IARS1: variants seen among roughly 807,000 people sequenced by gnomAD.
IARS1 encodes the protein isoleucyl-tRNA synthetase 1.
Under a neutral mutation model 168.2 loss-of-function variants are expected in IARS1, and 124 were observed. The ratio of observed to expected loss-of-function variants is 0.74; its 90% confidence interval spans 0.64 to 0.86. The LOEUF (loss-of-function observed/expected upper bound fraction) is 0.86, where lower values mean the gene tolerates loss of function less well. IARS1 is among the 40% of genes least tolerant of loss of function. The probability of loss-of-function intolerance (pLI) is 0.00; values close to 1 mark genes in which losing one functional copy is unlikely to be tolerated. For missense variants in IARS1, 1,452 were observed against 1,515.8 expected (o/e 0.96, Z 0.70); for synonymous variants, 532 against 529.4 (o/e 1.00, Z -0.07).
rs550430947 is a variant in IARS1, at chr9:92,237,582, G to A, written c.3283+3274C>T. ...AGTCTCCAACTATAGTTGTAGATTT[G>A]TCTATTTCTCCTTTAATGTCTGTAT... On this transcript the variant is annotated intron_variant, in intron 30 of 33. Transcript: ENST00000443024. Among the ~76,000 whole-genome samples the A allele has an allele frequency of 1.2e-4, 18 of 152,254 alleles. No individual in the cohort carries two copies. In the South Asian group the frequency reaches 3.5e-3, roughly 30 times the overall value.
chr9:92,281,695 A>G (rs1171837466), intron 6 of IARS1, among the ~76,000 whole-genome samples: 1 of 152,164 alleles, frequency 6.6e-6, no homozygotes, highest in Non-Finnish European at 1.5e-5. Context: ...ACACAAAAAT[A>G]TCAAGGATTT....
intron 31 of IARS1, among the ~76,000 whole-genome samples, chr9:92,223,697 A>AT (rs1324546125): frequency 2.0e-5 from 3 of 152,248 alleles, no homozygotes; most frequent in Non-Finnish European, 2.9e-5. Flanking sequence ...AACAAACATC[A>AT]TAATATTCAT....
Position 92,226,049 on chromosome 9 carries a change from G to A in IARS1, c.3410-2560C>T, listed in dbSNP as rs1825623107. On this transcript the variant is annotated intron_variant, in intron 31 of 33. Coordinates refer to ENST00000443024, the MANE Select transcript of IARS1 (RefSeq NM_002161.6). Reference sequence around the variant, plus strand: ...TGTGCACTCTAGCCTGTTTTTGCTCGTTTCTACTTCTCATCCTACCGTGAC... The same window carrying A: ...TGTGCACTCTAGCCTGTTTTTGCTCATTTCTACTTCTCATCCTACCGTGAC... Among the ~76,000 whole-genome samples the A allele has an allele frequency of 2.0e-5, 3 of 152,154 alleles. 1 individual carries two copies. The highest frequency in any genetic ancestry group is 1.3e-4 in the Admixed American group (2 of 15,260).
At position 92,243,204 on chromosome 9, in the gene IARS1, T is replaced by C. The variant is rs778648850; in HGVS notation, c.3000+12A>G. 9 of 1,607,076 alleles carry C rather than the reference T, an allele frequency of 5.6e-6. No individual in the cohort carries two copies. The highest frequency in any genetic ancestry group is 2.2e-5 in the East Asian group (1 of 44,814). On this transcript the variant is annotated intron_variant, in intron 28 of 33. Transcript: ENST00000443024. Reference sequence around the variant, plus strand: ...GCCAAAACAGTAGCTTATTCTTAACTGACAAACTAACCTTTTTGCGAAGTT... The same window carrying C: ...GCCAAAACAGTAGCTTATTCTTAACCGACAAACTAACCTTTTTGCGAAGTT...
chr9:92,253,438 G>C lies in IARS1; in HGVS notation c.2153C>G (p.Thr718Ser), dbSNP rs147703118. 38 of 1,612,436 alleles carry C rather than the reference G, an allele frequency of 2.4e-5. No individual in the cohort carries two copies. The highest frequency in any genetic ancestry group is 3.2e-5 in the Non-Finnish European group (38 of 1,178,678). Residue 718 changes from threonine to serine, a missense_variant, in exon 21 of 34, where the codon ACT (threonine) becomes AGT (serine). Thr to Ser is a moderately conservative substitution (Grantham distance 58). Coordinates refer to ENST00000443024, the MANE Select transcript of IARS1 (RefSeq NM_002161.6). ...ETEMAAYRLY[T>S]VVPRLVKFVD... ...AAACTTGACCAGGCGAGGCACCACA[G>C]TATAAAGCCTATAAGCTAAAAGTAA...
chr9:92,249,478 A>T (rs1205320643), intron 25 of IARS1, among the ~76,000 whole-genome samples: 8 of 152,078 alleles, frequency 5.3e-5, no homozygotes, highest in Admixed American at 4.6e-4. Context: ...GCTTGAACCC[A>T]GGAGGTGGAG....
chr9:92,238,154 C>A (rs1164804151), intron 30 of IARS1, among the ~76,000 whole-genome samples: 1 of 152,158 alleles, frequency 6.6e-6, no homozygotes, highest in Admixed American at 6.5e-5. Context: ...GATCCGCCTG[C>A]CTTGGCCTTC....
intron 6 of IARS1, among the ~76,000 whole-genome samples, chr9:92,284,692 C>T (rs983507352): frequency 3.9e-5 from 6 of 152,100 alleles, no homozygotes; most frequent in Admixed American, 3.9e-4. Flanking sequence ...CTGCTTGAAT[C>T]GGGTAGGTGG....
intron 1 of IARS1, chr9:92,292,704 A>G (rs372203870): frequency 1.3e-5 from 2 of 152,754 alleles, no homozygotes; most frequent in South Asian, 2.1e-4. Context: ...CTGCTCCACA[A>G]CTCCTTCAGG....
Position 92,250,819 on chromosome 9 carries a change from A to T in IARS1, c.2323T>A (p.Phe775Ile). The stretch of plus-strand genomic sequence containing the variant: ...TTCTGGTACATCAATTCAGTGAGAA[A>T]AGGTGTGTAGGGAGCCTGTATGAAG... ...LCRLMAPYTPFLTELMYQNLK... is the reference protein window; with the variant it reads ...LCRLMAPYTPILTELMYQNLK... The change falls in exon 23 of 34, where the codon TTT (phenylalanine) becomes ATT (isoleucine). Residue 775 changes from phenylalanine to isoleucine, a missense_variant. Physicochemically the swap from Phe to Ile is conservative, Grantham distance 21. Transcript: ENST00000443024. 1 of 1,610,660 alleles carries T rather than the reference A, an allele frequency of 6.2e-7. No individual in the cohort carries two copies.
At position 92,223,457 on chromosome 9, in the gene IARS1, T is replaced by G; in HGVS notation, c.3442A>C (p.Ser1148Arg). The G allele has an allele frequency of 6.2e-7, 1 of 1,613,882 alleles. No homozygotes were observed. Among genetic ancestry groups the G allele is most frequent in the Non-Finnish European group, 8.5e-7 (1 of 1,179,854 alleles). Reference protein sequence around the residue: ...IQNQTDLLSLSGKTLCVTAGS... With the variant: ...IQNQTDLLSLRGKTLCVTAGS... ...GCAGTCACACAAAGTGTTTTTCCACTAAGACTCAGTAAGTCAGTTTGGTTT... is the reference window on the plus strand; with the variant it reads ...GCAGTCACACAAAGTGTTTTTCCACGAAGACTCAGTAAGTCAGTTTGGTTT... Residue 1148 changes from serine to arginine, a missense_variant, in exon 32 of 34, where the codon AGT becomes CGT. Ser to Arg is a moderately radical substitution (Grantham distance 110). Coordinates refer to ENST00000443024, the MANE Select transcript of IARS1 (RefSeq NM_002161.6).
At chr9:92,226,324 T>C (rs1564158378) in intron 31 of IARS1, among the ~76,000 whole-genome samples, 1 of 152,156 alleles carries the variant, frequency 6.6e-6, no homozygotes, top group East Asian at 1.9e-4. Context: ...AACATTTGAG[T>C]CTGCCAGATT....
intron 33 of IARS1, among the ~76,000 whole-genome samples, chr9:92,216,612 G>A: frequency 7.6e-6 from 1 of 132,154 alleles, no homozygotes; most frequent in Non-Finnish European, 1.6e-5. Context: ...AAAAAGGCAG[G>A]GGTTGCAATC....
At chr9:92,280,956 G>C (rs538957642) in intron 6 of IARS1, 63 bp from the exon 7 acceptor site, 35 of 1,113,906 alleles carry the variant, frequency 3.1e-5, no homozygotes, top group Non-Finnish European at 4.1e-5. Flanking sequence ...CTAAGAAAAA[G>C]GAACTACTCC....
chr9:92,260,390 T>C (rs1831355070), intron 17 of IARS1, among the ~76,000 whole-genome samples, 156 bp from the exon 18 acceptor site: 1 of 152,164 alleles, frequency 6.6e-6, no homozygotes, highest in Non-Finnish European at 1.5e-5. Flanking sequence ...GCGCGGTGGC[T>C]CACTCCTGTA....
At position 92,240,936 on chromosome 9, in the gene IARS1, G is replaced by T. The variant is rs759618440; in HGVS notation, c.3203C>A (p.Thr1068Lys). 3.7e-6 allele frequency: 6 copies of T among 1,612,130 alleles called. No homozygotes were observed. The highest frequency in any genetic ancestry group is 5.1e-6 in the Non-Finnish European group (6 of 1,178,460). ...AGGAAGGGAAGATCCTCTGGTGAGT[G>T]TAATTTCCAGTTCAGATCCCTTCAA... Reference protein sequence around the residue: ...TQLKGSELEITLTRGSSLPGP... With the variant: ...TQLKGSELEIKLTRGSSLPGP... Residue 1068 changes from threonine to lysine, a missense_variant, in exon 30 of 34, where the codon ACA (threonine) becomes AAA (lysine). Physicochemically the swap from Thr to Lys is moderately conservative, Grantham distance 78. Transcript: ENST00000443024.
intron 30 of IARS1, among the ~76,000 whole-genome samples, chr9:92,235,410 G>A (rs1176272933): frequency 6.6e-6 from 1 of 151,784 alleles, no homozygotes; most frequent in African/African-American, 2.4e-5. Flanking sequence ...ATTTTTGTGA[G>A]GATTTTCATC....
chr9:92,248,769 T>C (rs1829604716), intron 25 of IARS1, among the ~76,000 whole-genome samples: 3 of 152,076 alleles, frequency 2.0e-5, no homozygotes, highest in Admixed American at 1.3e-4. Context: ...TTCAAGCAAC[T>C]GAAAACCAAA....
intron 20 of IARS1, among the ~76,000 whole-genome samples, chr9:92,255,121 C>T (rs1172734880): frequency 6.6e-6 from 1 of 152,220 alleles, no homozygotes; most frequent in Non-Finnish European, 1.5e-5. Context: ...CAGCCTCACA[C>T]TCACTTCCAT....
Sources: gnomAD v4.1 joint callset for allele counts (sites outside exome capture counted in the v4.1 genomes callset) on GRCh38, gnomAD v4.1.1 for gene constraint, MANE v1.5 for transcripts, NCBI Gene and HGNC (gene_info 2026-07-23, HGNC 2026-07-21) for gene names.